The following MPZL3 variants were observed in gnomAD, a reference collection of about 807,000 sequenced individuals.
MPZL3 encodes the protein myelin protein zero-like protein 3.
In MPZL3, 23 loss-of-function variants were observed where a neutral mutation model predicts 24.8. That is an observed-to-expected ratio of 0.93 (90% confidence interval 0.67 to 1.31). The LOEUF (loss-of-function observed/expected upper bound fraction) is 1.31. MPZL3 is among the 40% of genes most tolerant of loss of function. The probability of loss-of-function intolerance (pLI) is 0.00; values close to 1 mark genes in which losing one functional copy is unlikely to be tolerated. For missense variants in MPZL3, 277 were observed against 294.9 expected (o/e 0.94, Z 0.44); for synonymous variants, 99 against 106.5 (o/e 0.93, Z 0.44).
At chr11:118,250,655 A>C (rs1449814066) in intron 1 of MPZL3, among the ~76,000 whole-genome samples, 3 of 152,148 alleles carry the variant, frequency 2.0e-5, no homozygotes, top group Non-Finnish European at 4.4e-5. Flanking sequence ...ATCTCAGCTC[A>C]CTGCAACCTC....
At chr11:118,231,201 A>T (rs1179771955) in intron 5 of MPZL3, among the ~76,000 whole-genome samples, 1 of 152,220 alleles carries the variant, frequency 6.6e-6, no homozygotes, top group Non-Finnish European at 1.5e-5. Flanking sequence ...CAAATCATCC[A>T]ATAATCAATT....
rs147797099 is a variant in MPZL3 at position 118,229,897 on chromosome 11, A to G, written c.705T>C (p.Tyr235=). 26 of 1,613,386 alleles carry G rather than the reference A, an allele frequency of 1.6e-5. No homozygotes were observed. Among genetic ancestry groups the G allele is most frequent in the East Asian group, 2.2e-5 (1 of 44,842 alleles). Residue 235 remains tyrosine (Y), a synonymous_variant, in exon 6 of 6, where the codon TAT becomes TAC. Coordinates refer to ENST00000278949, the MANE Select transcript of MPZL3 (RefSeq NM_198275.3). ...TCTTGTGTCATACAGACTTTCATCA[A>G]TATGTCTCTTCATAGTCTGAATCCT... The part of the protein sequence containing the change: ...ECLDSDYEET[Y]
intron 4 of MPZL3, among the ~76,000 whole-genome samples, chr11:118,234,616 T>C (rs1343284487): frequency 6.6e-6 from 1 of 152,142 alleles, no homozygotes; most frequent in Non-Finnish European, 1.5e-5. Flanking sequence ...GGGTTTTGGA[T>C]ACCATGCTTA....
intron 1 of MPZL3, among the ~76,000 whole-genome samples, chr11:118,248,201 A>T (rs1188630153): frequency 6.7e-6 from 1 of 150,268 alleles, no homozygotes; most frequent in Non-Finnish European, 1.5e-5. Flanking sequence ...TTTTTAGTAG[A>T]GACAGGGTTT....
chr11:118,248,768 T>C (rs528048715), intron 1 of MPZL3, among the ~76,000 whole-genome samples: 35 of 152,262 alleles, frequency 2.3e-4, no homozygotes, highest in South Asian at 2.1e-3. Flanking sequence ...AATTCACTTG[T>C]TTATTTTGGG....
intron 1 of MPZL3, among the ~76,000 whole-genome samples, chr11:118,251,671 T>C (rs1406833718): frequency 6.6e-6 from 1 of 152,180 alleles, no homozygotes; most frequent in Non-Finnish European, 1.5e-5. Flanking sequence ...GTTATGAAAA[T>C]GCTAAAGCAG....
At chr11:118,232,891 T>C (rs1299470133) in intron 5 of MPZL3, among the ~76,000 whole-genome samples, 2 of 152,136 alleles carry the variant, frequency 1.3e-5, no homozygotes, top group African/African-American at 4.8e-5. Context: ...TCTTCCCTCC[T>C]GCTGGGATCC....
At chr11:118,241,229 T>C (rs1949494691) in intron 1 of MPZL3, among the ~76,000 whole-genome samples, 1 of 152,350 alleles carries the variant, frequency 6.6e-6, no homozygotes, top group South Asian at 2.1e-4. Flanking sequence ...GGAAATGACA[T>C]TGCCAGTACT....
chr11:118,244,581 G>C (rs1949535814), intron 1 of MPZL3, among the ~76,000 whole-genome samples: 1 of 152,200 alleles, frequency 6.6e-6, no homozygotes, highest in Non-Finnish European at 1.5e-5. Context: ...CAGTCAAGGA[G>C]CTGAAAAGGA....
At chr11:118,240,638 C>T (rs1417723929) in intron 1 of MPZL3, among the ~76,000 whole-genome samples, 1 of 151,988 alleles carries the variant, frequency 6.6e-6, no homozygotes, top group African/African-American at 2.4e-5. Flanking sequence ...AGCGTTTTCC[C>T]GAATACAGGC....
At chr11:118,249,409 T>TA (rs1000722911) in intron 1 of MPZL3, among the ~76,000 whole-genome samples, 41 of 151,964 alleles carry the variant, frequency 2.7e-4, no homozygotes, top group African/African-American at 9.9e-4. Context: ...CTTCCACTCA[T>TA]AAAAAAAATA....
chr11:118,252,214 G>A lies in MPZL3; in HGVS notation c.73+8C>T, dbSNP rs753302899. 2 of 1,613,406 alleles carry A rather than the reference G, an allele frequency of 1.2e-6. No individual in the cohort carries two copies. The highest frequency in any genetic ancestry group is 3.3e-5 in the Admixed American group (2 of 60,018). ...CGGAAGTGGAGCGTAGCCAGCCGGA[G>A]CACTCACCCTGGAAGAACAGGACGC... On this transcript the variant is annotated splice_region_variant and intron_variant, in intron 1 of 5. Coordinates refer to ENST00000278949, the MANE Select transcript of MPZL3 (RefSeq NM_198275.3).
At chr11:118,246,431 A>AT (rs1254129053) in intron 1 of MPZL3, among the ~76,000 whole-genome samples, 2 of 97,592 alleles carry the variant, frequency 2.0e-5, no homozygotes, top group African/African-American at 4.7e-5. Flanking sequence ...TCCTAATAAT[A>AT]CCCTTTTTTT....
chr11:118,246,729 C>T (rs1014874025), intron 1 of MPZL3, among the ~76,000 whole-genome samples: 3 of 151,782 alleles, frequency 2.0e-5, no homozygotes, highest in Admixed American at 6.6e-5. Flanking sequence ...AGACCACAGG[C>T]GTGTGCCACC....
At chr11:118,249,673 T>G (rs1020422652) in intron 1 of MPZL3, among the ~76,000 whole-genome samples, 2 of 151,958 alleles carry the variant, frequency 1.3e-5, no homozygotes, top group African/African-American at 2.4e-5. Context: ...AAAATACAAA[T>G]CTACTGATAT....
intron 4 of MPZL3, 61 bp downstream of exon 4, chr11:118,235,363 G>C: frequency 6.4e-7 from 1 of 1,565,308 alleles, no homozygotes; most frequent in Non-Finnish European, 8.7e-7. Context: ...TGGATGTGGG[G>C]GTCTGGGTAG....
At chr11:118,242,825 T>C (rs1442505570) in intron 1 of MPZL3, among the ~76,000 whole-genome samples, 1 of 152,164 alleles carries the variant, frequency 6.6e-6, no homozygotes, top group Admixed American at 6.5e-5. Context: ...ATGCCATCGA[T>C]TGCACCTAGT....
At chr11:118,236,744 A>G (rs1949430792) in intron 3 of MPZL3, among the ~76,000 whole-genome samples, 1 of 152,118 alleles carries the variant, frequency 6.6e-6, no homozygotes, top group African/African-American at 2.4e-5. Flanking sequence ...AGAGATAACA[A>G]CCCTATATTT....
rs1418485892 is a variant in MPZL3 at position 118,240,783 on chromosome 11, A to ACACACACACACT, written c.74-407_74-406insAGTGTGTGTGTG. On this transcript the variant is annotated intron_variant, in intron 1 of 5. Coordinates refer to ENST00000278949, the MANE Select transcript of MPZL3 (RefSeq NM_198275.3). The stretch of plus-strand genomic sequence containing the variant: ...CACACACACACACACACACACACAC[A>ACACACACACACT]CTCTGGGAATATGGCAGCTTTTGTG... 5.8e-3 allele frequency among the ~76,000 whole-genome samples: 820 copies of ACACACACACACT among 140,366 alleles called. 10 individuals carry two copies. Among genetic ancestry groups the ACACACACACACT allele is most frequent in the Non-Finnish European group, 7.3e-3 (473 of 64,592 alleles). The allele number at this position is 140,366 out of a possible 152,430, so 92.1% of individuals were successfully genotyped here.
Sources: allele counts gnomAD v4.1 joint callset (sites outside exome capture counted in the v4.1 genomes callset), GRCh38; gene constraint gnomAD v4.1.1; transcripts MANE v1.5; gene names NCBI Gene and HGNC (gene_info 2026-07-23, HGNC 2026-07-21).